Variants in SPAG17 observed in about 807,000 individuals in gnomAD.
The protein encoded by SPAG17 is sperm associated antigen 17, also known as sperm-associated antigen 17.
Under a neutral mutation model 273.6 loss-of-function variants are expected in SPAG17, and 169 were observed. The observed-to-expected ratio is 0.62, with a 90% confidence interval of 0.55 to 0.70. SPAG17 has a LOEUF of 0.70. SPAG17 is among the 30% of genes least tolerant of loss of function. The probability of loss-of-function intolerance (pLI) is 0.00; values close to 1 mark genes in which losing one functional copy is unlikely to be tolerated. For missense variants in SPAG17, 2,557 were observed against 2,627.8 expected, an observed-to-expected ratio of 0.97 and a Z score of 0.59; for synonymous variants, 825 against 873.2, an observed-to-expected ratio of 0.94 and a Z score of 0.97.
intron 43 of SPAG17, among the ~76,000 whole-genome samples, chr1:117,977,456 T>A (rs984133094): frequency 1.3e-5 from 2 of 152,244 alleles, no homozygotes; most frequent in Non-Finnish European, 2.9e-5. Flanking sequence ...GTATGATTTT[T>A]AGATGTCACT....
intron 3 of SPAG17, among the ~76,000 whole-genome samples, chr1:118,131,793 T>A (rs1658065838): frequency 6.6e-6 from 1 of 152,190 alleles, no homozygotes; most frequent in Admixed American, 6.5e-5. Flanking sequence ...ATGTTGTTCA[T>A]CCTTACTCAG....
At chr1:118,051,500 C>G (rs184752436) in intron 20 of SPAG17, among the ~76,000 whole-genome samples, 1 of 150,624 alleles carries the variant, frequency 6.6e-6, no homozygotes, top group East Asian at 1.9e-4. Context: ...ATATCTAGGA[C>G]GCTTACATCC....
chr1:118,080,016 T>C (rs1654411610), intron 15 of SPAG17, among the ~76,000 whole-genome samples: 1 of 152,228 alleles, frequency 6.6e-6, no homozygotes, highest in Non-Finnish European at 1.5e-5. Flanking sequence ...GGCATATACA[T>C]AATTATAAAA....
intron 43 of SPAG17, among the ~76,000 whole-genome samples, chr1:117,976,169 T>C (rs770714963): frequency 6.6e-6 from 1 of 152,134 alleles, no homozygotes; most frequent in Non-Finnish European, 1.5e-5. Flanking sequence ...AACATGCAGA[T>C]GATTATTCCA....
intron 1 of SPAG17, among the ~76,000 whole-genome samples, chr1:118,181,434 G>A (rs573783749): frequency 2.2e-4 from 34 of 152,156 alleles, no homozygotes; most frequent in African/African-American, 7.9e-4. Flanking sequence ...TGCATAGGTT[G>A]AAAGTGAGGA....
intron 3 of SPAG17, among the ~76,000 whole-genome samples, chr1:118,116,338 A>AT (rs1657078671): frequency 6.6e-6 from 1 of 152,158 alleles, no homozygotes; most frequent in Admixed American, 6.5e-5. Flanking sequence ...TAGTTGAAGT[A>AT]TTTTTTGACT....
At chr1:118,068,442 CA>C (rs550458842) in intron 17 of SPAG17, among the ~76,000 whole-genome samples, 115 of 152,036 alleles carry the variant, frequency 7.6e-4, no homozygotes, top group African/African-American at 2.7e-3. Context: ...CCCAGAAAAC[CA>C]TTGCGTTTAT....
intron 3 of SPAG17, among the ~76,000 whole-genome samples, chr1:118,145,260 T>C (rs1004028778): frequency 6.6e-6 from 1 of 152,216 alleles, no homozygotes; most frequent in African/African-American, 2.4e-5. Flanking sequence ...TTCTATTAAA[T>C]TGACTATTAA....
chr1:118,169,695 C>G (rs1660330673), intron 1 of SPAG17, among the ~76,000 whole-genome samples: 2 of 152,142 alleles, frequency 1.3e-5, no homozygotes, highest in Admixed American at 6.5e-5. Context: ...AGTTTATCAT[C>G]TATATATAAC....
At chr1:118,096,863 T>A (rs1043395241) in intron 7 of SPAG17, among the ~76,000 whole-genome samples, 9 of 152,138 alleles carry the variant, frequency 5.9e-5, no homozygotes, top group African/African-American at 2.2e-4. Flanking sequence ...ACCCCACTCT[T>A]GGGAAATGCC....
intron 4 of SPAG17, among the ~76,000 whole-genome samples, chr1:118,108,437 C>T (rs562023095): frequency 4.6e-5 from 7 of 152,222 alleles, no homozygotes; most frequent in East Asian, 1.9e-4. Flanking sequence ...CCAGATCAGG[C>T]GCATTCAGCA....
At chr1:118,043,427 T>C (rs1037522331) in intron 20 of SPAG17, among the ~76,000 whole-genome samples, 3 of 152,232 alleles carry the variant, frequency 2.0e-5, no homozygotes, top group African/African-American at 7.2e-5. Flanking sequence ...CTAAAAATTA[T>C]ATAAATTTGC....
At chr1:118,040,101 T>G (rs1045124146) in intron 22 of SPAG17, among the ~76,000 whole-genome samples, 1 of 152,176 alleles carries the variant, frequency 6.6e-6, no homozygotes, top group African/African-American at 2.4e-5. Context: ...TTAATAAAAA[T>G]TTTTCCAACA....
chr1:117,955,353 G>A, intron 48 of SPAG17: 1 of 1,612,320 alleles, frequency 6.2e-7, no homozygotes, highest in Non-Finnish European at 8.5e-7. Context: ...AAGGGATCAA[G>A]TCGAGGTGAG....
chr1:117,988,627 G>A (rs562439878), intron 38 of SPAG17, among the ~76,000 whole-genome samples: 3 of 152,160 alleles, frequency 2.0e-5, no homozygotes, highest in African/African-American at 7.2e-5. Flanking sequence ...GCGATTCTCA[G>A]TTTATTCACA....
chr1:117,966,662 TGA>T lies in SPAG17; in HGVS notation c.6477_6478del (p.His2160GlnfsTer9). 1 of 1,613,968 alleles carries T rather than the reference TGA, an allele frequency of 6.2e-7. No homozygotes were observed. Among genetic ancestry groups the T allele is most frequent in the Non-Finnish European group, 8.5e-7 (1 of 1,179,926 alleles). Reference sequence around the variant, plus strand: ...ATGCTCTGTCATAATCTCGATATTGTGAGAGATGTGTGCTGATCCCTTGGCCC... The same window carrying T: ...ATGCTCTGTCATAATCTCGATATTGTGAGATGTGTGCTGATCCCTTGGCCC... On this transcript the variant is annotated frameshift_variant, in exon 47 of 49. Transcript: ENST00000336338. LOFTEE classifies it high-confidence loss of function.
At chr1:118,008,265 T>C in intron 30 of SPAG17, 67 bp from the exon 31 acceptor site, 3 of 1,557,090 alleles carry the variant, frequency 1.9e-6, no homozygotes, top group Non-Finnish European at 2.6e-6. Context: ...CCTCAGCCTA[T>C]TGATTTTGCT....
In SPAG17 at chr1:118,098,288, G is replaced by T. The variant is rs896762822; in HGVS notation, c.830-437C>A. 5.9e-5 allele frequency among the ~76,000 whole-genome samples: 9 copies of T among 152,088 alleles called. 1 individual carries two copies. Among genetic ancestry groups the T allele is most frequent in the Admixed American group, 5.9e-4 (9 of 15,266 alleles). On this transcript the variant is annotated intron_variant, in intron 6 of 48. Transcript: ENST00000336338. Reference sequence around the variant, plus strand: ...TTCTTATATTGCTGAAAACAGAGTGGATCAATGTTGTATGTTTCAGTTACC... The same window carrying T: ...TTCTTATATTGCTGAAAACAGAGTGTATCAATGTTGTATGTTTCAGTTACC...
At chr1:118,048,682 G>C (rs911477206) in intron 20 of SPAG17, among the ~76,000 whole-genome samples, 3 of 152,140 alleles carry the variant, frequency 2.0e-5, no homozygotes, top group African/African-American at 7.2e-5. Flanking sequence ...CAGATCACAA[G>C]GTCAGGAGTT....
Sources: gnomAD v4.1 joint callset for allele counts (sites outside exome capture counted in the v4.1 genomes callset) on GRCh38, gnomAD v4.1.1 for gene constraint, MANE v1.5 for transcripts, NCBI Gene and HGNC (gene_info 2026-07-23, HGNC 2026-07-21) for gene names.